The following NOL4 variants were observed in gnomAD, a reference collection of about 807,000 sequenced individuals.
The protein encoded by NOL4 is cancer/testis antigen 125.
A neutral mutation model predicts 75.9 loss-of-function variants in NOL4; 17 were observed. The observed-to-expected ratio is 0.22, with a 90% CI of 0.15 to 0.34. The LOEUF (loss-of-function observed/expected upper bound fraction) is 0.34, where lower values mean the gene tolerates loss of function less well. NOL4 is among the 10% of genes least tolerant of loss of function. The pLI is 1.00. For synonymous variants in NOL4, 292 were observed against 289.9 expected (o/e 1.01, Z -0.07); for missense variants, 614 against 793.5 (o/e 0.77, Z 2.72).
intron 6 of NOL4, among the ~76,000 whole-genome samples, chr18:33,996,076 C>G (rs2073261836): frequency 6.6e-6 from 1 of 151,566 alleles, no homozygotes; most frequent in East Asian, 1.9e-4. Flanking sequence ...TGTTGAAAGA[C>G]TGGATGAATT....
At chr18:33,930,552 A>G (rs2067616770) in intron 9 of NOL4, among the ~76,000 whole-genome samples, 1 of 152,202 alleles carries the variant, frequency 6.6e-6, no homozygotes, top group Non-Finnish European at 1.5e-5. Context: ...TTTAGAGACC[A>G]TGTGAGTAGA....
intron 3 of NOL4, among the ~76,000 whole-genome samples, chr18:34,104,809 T>TA (rs2079194135): frequency 6.6e-6 from 1 of 152,000 alleles, no homozygotes. Context: ...AAATGAAAAT[T>TA]AAAACATGAT....
intron 9 of NOL4, among the ~76,000 whole-genome samples, chr18:33,895,938 T>A (rs1045162613): frequency 2.6e-5 from 4 of 152,092 alleles, no homozygotes; most frequent in East Asian, 3.9e-4. Context: ...CTACAGCTGA[T>A]AAACAACTTA....
At chr18:34,035,766 A>T (rs988281113) in intron 5 of NOL4, among the ~76,000 whole-genome samples, 4 of 151,678 alleles carry the variant, frequency 2.6e-5, no homozygotes, top group Non-Finnish European at 5.9e-5. Flanking sequence ...GACTCAAATT[A>T]AAAAAAATCA....
At chr18:34,187,798 A>T (rs1183137202) in intron 1 of NOL4, among the ~76,000 whole-genome samples, 1 of 152,214 alleles carries the variant, frequency 6.6e-6, no homozygotes, top group Non-Finnish European at 1.5e-5. Flanking sequence ...TTATTTAAAA[A>T]AATTTTGCAG....
chr18:34,000,867 C>T (rs1455300804), intron 6 of NOL4, among the ~76,000 whole-genome samples: 1 of 151,992 alleles, frequency 6.6e-6, no homozygotes, highest in Non-Finnish European at 1.5e-5. Flanking sequence ...CTGAATAATG[C>T]TGTTATAACA....
At chr18:34,039,175 C>T (rs899044959) in intron 5 of NOL4, among the ~76,000 whole-genome samples, 3 of 151,866 alleles carry the variant, frequency 2.0e-5, no homozygotes, top group Non-Finnish European at 4.4e-5. Context: ...CTTATTGTCA[C>T]ACAATAACAA....
chr18:34,042,512 A>G (rs1203704822), intron 5 of NOL4, among the ~76,000 whole-genome samples: 1 of 152,006 alleles, frequency 6.6e-6, no homozygotes, highest in Admixed American at 6.6e-5. Context: ...AAAGTGTAGG[A>G]GAGGTAGCAT....
At chr18:34,027,777 A>C (rs1370490931) in intron 5 of NOL4, among the ~76,000 whole-genome samples, 3 of 152,214 alleles carry the variant, frequency 2.0e-5, no homozygotes, top group Non-Finnish European at 4.4e-5. Context: ...AATTTTAAAA[A>C]ATCAACAGAA....
intron 5 of NOL4, among the ~76,000 whole-genome samples, chr18:34,089,631 C>T (rs1316565209): frequency 2.0e-5 from 3 of 152,190 alleles, no homozygotes; most frequent in Non-Finnish European, 2.9e-5. Flanking sequence ...TCTGAGATTG[C>T]AGAAAGACAA....
rs528910772 is a variant in NOL4, at chr18:33,932,854, A to C, written c.1542+10211T>G. Among the ~76,000 whole-genome samples the C allele has an allele frequency of 4.7e-3, 721 of 152,246 alleles. 2 individuals carry two copies. The highest frequency in any genetic ancestry group is 7.4e-3 in the Non-Finnish European group (501 of 68,012). ...TAAAAAGTATGGCAATTATAAAAGA[A>C]AGGCTTGCAAAACACTTCACATAGT... On this transcript the variant is annotated intron_variant, in intron 9 of 10. Coordinates refer to ENST00000261592, the MANE Select transcript of NOL4 (RefSeq NM_003787.5).
chr18:33,884,461 T>G (rs976426234), intron 9 of NOL4, among the ~76,000 whole-genome samples: 2 of 152,116 alleles, frequency 1.3e-5, no homozygotes, highest in Non-Finnish European at 2.9e-5. Context: ...ATTCTAATCA[T>G]GTCAAACTGT....
At chr18:34,049,716 T>C (rs921244125) in intron 5 of NOL4, among the ~76,000 whole-genome samples, 3 of 152,108 alleles carry the variant, frequency 2.0e-5, no homozygotes, top group Admixed American at 1.3e-4. Flanking sequence ...CATACCACCC[T>C]TCCCCCACTG....
At chr18:34,006,398 C>T (rs184692913) in intron 6 of NOL4, among the ~76,000 whole-genome samples, 23 of 152,124 alleles carry the variant, frequency 1.5e-4, no homozygotes, top group Non-Finnish European at 2.8e-4. Context: ...AAAGCTCACC[C>T]TCACCAGTGT....
chr18:34,146,950 G>C (rs2081425946), intron 1 of NOL4, among the ~76,000 whole-genome samples: 1 of 151,982 alleles, frequency 6.6e-6, no homozygotes, highest in Non-Finnish European at 1.5e-5. Context: ...TTGTAAGTTG[G>C]ATTCCTAGGT....
At chr18:34,153,534 T>C (rs1249124446) in intron 1 of NOL4, among the ~76,000 whole-genome samples, 1 of 151,980 alleles carries the variant, frequency 6.6e-6, no homozygotes, top group Non-Finnish European at 1.5e-5. Flanking sequence ...CTCAAATAAA[T>C]GAATACATTC....
chr18:33,996,714 T>C (rs115965562), intron 6 of NOL4, among the ~76,000 whole-genome samples: 2,020 of 151,982 alleles, frequency 0.013, 44 homozygotes, highest in African/African-American at 0.046. Context: ...CCAGCTGCAG[T>C]TATCTTGCTA....
At chr18:34,112,819 T>G (rs1399069987) in intron 2 of NOL4, among the ~76,000 whole-genome samples, 2 of 152,204 alleles carry the variant, frequency 1.3e-5, no homozygotes, top group Non-Finnish European at 2.9e-5. Context: ...CTGTAATGTA[T>G]GCTTAAAATT....
intron 1 of NOL4, among the ~76,000 whole-genome samples, chr18:34,201,041 TAGAG>T (rs755175144): frequency 9.3e-5 from 14 of 150,884 alleles, no homozygotes; most frequent in East Asian, 3.9e-4. Context: ...TTGCATAAGA[TAGAG>T]AGACTGTGAG....
Sources: allele counts gnomAD v4.1 joint callset (sites outside exome capture counted in the v4.1 genomes callset), GRCh38; gene constraint gnomAD v4.1.1; transcripts MANE v1.5; gene names NCBI Gene and HGNC (gene_info 2026-07-23, HGNC 2026-07-21).